The following MARCHF4 variants were observed in gnomAD, a reference collection of about 807,000 sequenced individuals.
The protein encoded by MARCHF4 is E3 ubiquitin-protein ligase MARCHF4.
A neutral mutation model predicts 43.9 loss-of-function variants in MARCHF4; 14 were observed. The observed-to-expected ratio is 0.32, with a 90% CI of 0.21 to 0.50. MARCHF4 has a LOEUF of 0.50. Among genes scored for constraint, MARCHF4 ranks in the 20% least tolerant of loss-of-function variants. The probability of loss-of-function intolerance (pLI) is 0.98; values close to 1 mark genes in which losing one functional copy is unlikely to be tolerated. For synonymous variants in MARCHF4, 226 were observed against 213.3 expected (o/e 1.06, Z -0.52); for missense variants, 468 against 536.7 (o/e 0.87, Z 1.27).
chr2:216,348,985 T>C (rs1692361001), intron 1 of MARCHF4, among the ~76,000 whole-genome samples: 1 of 152,236 alleles, frequency 6.6e-6, no homozygotes, highest in African/African-American at 2.4e-5. Flanking sequence ...TCCTTCAGTC[T>C]TTCTTGTCTT....
At chr2:216,309,458 A>G (rs2105955155) in intron 1 of MARCHF4, among the ~76,000 whole-genome samples, 1 of 152,318 alleles carries the variant, frequency 6.6e-6, no homozygotes, top group South Asian at 2.1e-4. Context: ...CACGTGGTCC[A>G]CGTGAAGCTA....
At chr2:216,284,891 C>T (rs1252000859) in intron 1 of MARCHF4, among the ~76,000 whole-genome samples, 4 of 152,264 alleles carry the variant, frequency 2.6e-5, no homozygotes, top group East Asian at 1.9e-4. Flanking sequence ...CAAGATGATT[C>T]GAATGCCGCC....
At chr2:216,300,088 G>C (rs1448927625) in intron 1 of MARCHF4, among the ~76,000 whole-genome samples, 3 of 152,148 alleles carry the variant, frequency 2.0e-5, no homozygotes, top group Non-Finnish European at 2.9e-5. Flanking sequence ...TGAAGATCTA[G>C]AGCCATTAGT....
At chr2:216,260,029 C>G (rs969941840) in intron 3 of MARCHF4, among the ~76,000 whole-genome samples, 1 of 152,210 alleles carries the variant, frequency 6.6e-6, no homozygotes, top group Non-Finnish European at 1.5e-5. Context: ...CAGTCCTTAG[C>G]AGATGTTGAA....
At chr2:216,282,792 C>T (rs2105940464) in intron 2 of MARCHF4, among the ~76,000 whole-genome samples, 1 of 152,282 alleles carries the variant, frequency 6.6e-6, no homozygotes, top group Middle Eastern at 3.4e-3. Context: ...GCCCTCATTC[C>T]ACCCTGGCCC....
At chr2:216,271,878 C>T (rs992738746) in intron 3 of MARCHF4, among the ~76,000 whole-genome samples, 2 of 151,760 alleles carry the variant, frequency 1.3e-5, no homozygotes, top group African/African-American at 4.8e-5. Context: ...GCAGCCTTGG[C>T]CTCCTGTGCT....
chr2:216,320,269 T>C (rs1007172535), intron 1 of MARCHF4, among the ~76,000 whole-genome samples: 1 of 152,256 alleles, frequency 6.6e-6, no homozygotes, highest in East Asian at 1.9e-4. Context: ...ACCCAGTTCC[T>C]ATGGGTGCTT....
At chr2:216,323,231 G>A (rs1371409108) in intron 1 of MARCHF4, among the ~76,000 whole-genome samples, 2 of 152,154 alleles carry the variant, frequency 1.3e-5, no homozygotes, top group African/African-American at 4.8e-5. Flanking sequence ...CCAAATGAGT[G>A]GGTAAGAATC....
At chr2:216,296,190 A>C (rs931064907) in intron 1 of MARCHF4, among the ~76,000 whole-genome samples, 11 of 151,752 alleles carry the variant, frequency 7.2e-5, no homozygotes, top group African/African-American at 2.4e-4. Context: ...TAAAAGTACA[A>C]AAAAAATTAC....
At chr2:216,281,058 CTTTTTTTTT>C (rs58189904) in intron 2 of MARCHF4, among the ~76,000 whole-genome samples, 3 of 104,292 alleles carry the variant, frequency 2.9e-5, no homozygotes, top group African/African-American at 7.5e-5. Context: ...TTTCTCACAA[CTTTTTTTTT>C]TTTTTTTTTT....
intron 3 of MARCHF4, among the ~76,000 whole-genome samples, chr2:216,271,374 A>G (rs1259345812): frequency 2.0e-5 from 3 of 152,110 alleles, no homozygotes; most frequent in Non-Finnish European, 2.9e-5. Flanking sequence ...TAGCTCAAGG[A>G]TAGGGTTTCT....
rs879711696 is a variant in MARCHF4, at chr2:216,372,399, A to T, written c.-2139T>A. Among the ~76,000 whole-genome samples the T allele has an allele frequency of 6.6e-6, 1 of 152,054 alleles. No homozygotes were observed. Among genetic ancestry groups the T allele is most frequent in the South Asian group, 2.1e-4 (1 of 4,818 alleles). Reference sequence around the variant, plus strand: ...CGTCACGCTCGTGGGGGCCTGACGCAGACGCCGCGGAGGGATGGAGGAGGG... The same window carrying T: ...CGTCACGCTCGTGGGGGCCTGACGCTGACGCCGCGGAGGGATGGAGGAGGG... On this transcript the variant is annotated 5_prime_UTR_variant, in exon 1 of 4. Coordinates refer to ENST00000273067, the MANE Select transcript of MARCHF4 (RefSeq NM_020814.3).
At chr2:216,300,350 GTATA>G (rs201683040) in intron 1 of MARCHF4, among the ~76,000 whole-genome samples, 3 of 115,788 alleles carry the variant, frequency 2.6e-5, no homozygotes, top group Non-Finnish European at 1.8e-5. Flanking sequence ...ATATATATAT[GTATA>G]TATATATATA....
intron 1 of MARCHF4, among the ~76,000 whole-genome samples, chr2:216,340,276 G>C (rs932078953): frequency 1.1e-4 from 17 of 152,182 alleles, no homozygotes; most frequent in Non-Finnish European, 5.9e-5. Context: ...CTGGGAGGGA[G>C]TGGGGGTGGA....
chr2:216,318,696 T>C (rs1312126378), intron 1 of MARCHF4, among the ~76,000 whole-genome samples: 2 of 151,952 alleles, frequency 1.3e-5, no homozygotes, highest in Non-Finnish European at 2.9e-5. Context: ...TGGCAGGAAA[T>C]GAAATCAGAG....
At chr2:216,347,635 G>A (rs948333895) in intron 1 of MARCHF4, among the ~76,000 whole-genome samples, 1 of 152,008 alleles carries the variant, frequency 6.6e-6, no homozygotes, top group Admixed American at 6.6e-5. Context: ...GGCTGAGGCA[G>A]GGAATTGCTT....
intron 3 of MARCHF4, among the ~76,000 whole-genome samples, chr2:216,263,642 T>C (rs1340125101): frequency 6.6e-6 from 1 of 150,838 alleles, no homozygotes; most frequent in East Asian, 2.0e-4. Context: ...GGAAGAGAAG[T>C]AGTTGCGAGT....
At chr2:216,278,373 A>G (rs994556757) in intron 2 of MARCHF4, among the ~76,000 whole-genome samples, 2 of 152,126 alleles carry the variant, frequency 1.3e-5, no homozygotes, top group Non-Finnish European at 2.9e-5. Flanking sequence ...ACAGGCACCC[A>G]ACACCATGCG....
intron 1 of MARCHF4, among the ~76,000 whole-genome samples, chr2:216,289,241 C>T (rs1196738950): frequency 1.4e-5 from 2 of 140,004 alleles, no homozygotes; most frequent in Middle Eastern, 3.6e-3. Flanking sequence ...CCACCCGCCC[C>T]CCACCCAAGT....
Sources: allele counts gnomAD v4.1 joint callset (sites outside exome capture counted in the v4.1 genomes callset), GRCh38; gene constraint gnomAD v4.1.1; transcripts MANE v1.5; gene names NCBI Gene and HGNC (gene_info 2026-07-23, HGNC 2026-07-21).